Variants in MROH2A observed in about 807,000 individuals in gnomAD.
MROH2A encodes the protein maestro heat like repeat family member 2A, also known as maestro heat-like repeat-containing protein family member 2A.
MROH2A carries 174 observed loss-of-function variants against 200.4 expected under a neutral mutation model. The observed-to-expected ratio is 0.87, with a 90% CI of 0.77 to 0.98. The LOEUF (loss-of-function observed/expected upper bound fraction) is 0.98. MROH2A is among the 50% of genes least tolerant of loss of function. The pLI, the probability that MROH2A is intolerant of heterozygous loss-of-function variation, is 0.00. For missense variants in MROH2A, 2,045 were observed against 2,139.6 expected, an observed-to-expected ratio of 0.96 and a Z score of 0.87; for synonymous variants, 829 against 840.4, an observed-to-expected ratio of 0.99 and a Z score of 0.23.
intron 3 of MROH2A, among the ~76,000 whole-genome samples, chr2:233,783,324 A>C (rs1701036152): frequency 6.6e-6 from 1 of 152,146 alleles, no homozygotes; most frequent in Admixed American, 6.5e-5. Flanking sequence ...GTTTGGTAGA[A>C]TTCAGCAGTG....
At chr2:233,832,993 A>C (rs1192011492) in intron 41 of MROH2A, 145 bp from the exon 42 acceptor site, 3 of 936,226 alleles carry the variant, frequency 3.2e-6, no homozygotes, top group East Asian at 5.3e-5. Context: ...CTCCACCTGC[A>C]GTCCTCTGCT....
chr2:233,789,513 A>G lies in MROH2A; in HGVS notation c.293A>G (p.Lys98Arg). The G allele has an allele frequency of 1.4e-6, 2 of 1,441,124 alleles. No individual in the cohort carries two copies. The highest frequency in any genetic ancestry group is 1.8e-6 in the Non-Finnish European group (2 of 1,093,542). 89.3% of individuals were successfully genotyped at this position (1,441,124 alleles called of 1,614,324 possible). A position where few individuals can be genotyped will look rare whatever the true frequency, so the allele number is the denominator to read the frequency against. ...GTTTCCCAGATTTCCACCCAGCGCA[A>G]GGTCAACATTTACAACATCCTCCAG... ...LQVPEISTQR[K>R]VNIYNILQDI... Residue 98 changes from lysine (K) to arginine (R), a missense_variant, in exon 4 of 42, where the codon AAG (lysine) becomes AGG (arginine). This residue lies in a region of MROH2A where 831 missense variants were observed against 800.0 expected (regional missense o/e 1.04). Transcript: ENST00000389758.
chr2:233,799,799 A>C lies in MROH2A; in HGVS notation c.1349A>C (p.His450Pro). The C allele has an allele frequency of 6.5e-7, 1 of 1,550,324 alleles. No homozygotes were observed. Among genetic ancestry groups the C allele is most frequent in the Non-Finnish European group, 8.7e-7 (1 of 1,146,936 alleles). The change falls in exon 13 of 42, where the codon CAC becomes CCC. Residue 450 changes from histidine to proline, a missense_variant. Physicochemically the swap from His to Pro is moderately conservative, Grantham distance 77. This residue lies in a region of MROH2A where 831 missense variants were observed against 800.0 expected (regional missense o/e 1.04). Coordinates refer to ENST00000389758, the MANE Select transcript of MROH2A (RefSeq NM_001394639.1). Reference sequence around the variant, plus strand: ...CCTCAGGTGAGGATGGCTATTCTCCACATCATTGGGCAGTTGGCTCTCTGT... The same window carrying C: ...CCTCAGGTGAGGATGGCTATTCTCCCCATCATTGGGCAGTTGGCTCTCTGT... ...TRSKVRMAIL[H>P]IIGQLALCGY...
chr2:233,780,318 G>A (rs1226692358), intron 3 of MROH2A, among the ~76,000 whole-genome samples: 1 of 152,150 alleles, frequency 6.6e-6, no homozygotes, highest in African/African-American at 2.4e-5. Flanking sequence ...CTAGACAAGG[G>A]TTTGGAACAG....
At position 233,820,294 on chromosome 2, in the gene MROH2A, C is replaced by A. The variant is rs1703851260; in HGVS notation, c.3512+238C>A. Among the ~76,000 whole-genome samples the A allele has an allele frequency of 1.3e-5, 2 of 152,072 alleles. No individual in the cohort carries two copies. Among genetic ancestry groups the A allele is most frequent in the South Asian group, 2.1e-4 (1 of 4,816 alleles). On this transcript the variant is annotated intron_variant, in intron 31 of 41. Transcript: ENST00000389758. This position sits in a 1 kb window ranked among gnomAD's most constrained non-coding sequence, Gnocchi z 4.1. ...AGCTGGAATCTGGACCCGTAGCTCC[C>A]CACATGCCCGGGACAGTGTCTGTGG...
chr2:233,782,053 G>A (rs1201189747), intron 3 of MROH2A, among the ~76,000 whole-genome samples: 1 of 152,072 alleles, frequency 6.6e-6, no homozygotes, highest in African/African-American at 2.4e-5. Flanking sequence ...ATTGACATCT[G>A]GGCTCTCTAT....
Position 233,805,043 on chromosome 2 carries a change from T to C in MROH2A, c.1984T>C (p.Trp662Arg), listed in dbSNP as rs1171356390. ...CCTCAAGAAGACCCGGGGGTCTAGC[T>C]GGAGCCTGCGCTTGAGTAAAGAGCT... ...NSLKKTRGSS[W>R]SLRLSKELNN... Residue 662 changes from tryptophan to arginine, a missense_variant, in exon 19 of 42, where the codon TGG (tryptophan) becomes CGG (arginine). This residue lies in a region of MROH2A where 1,201 missense variants were observed against 1,311.3 expected (regional missense o/e 0.92). Transcript: ENST00000389758. The C allele has an allele frequency of 2.6e-6, 4 of 1,550,332 alleles. No homozygotes were observed. In the Admixed American group the frequency reaches 7.8e-5, roughly 30 times the overall value.
chr2:233,799,874 A>C lies in MROH2A; in HGVS notation c.1424A>C (p.Gln475Pro). The C allele has an allele frequency of 6.4e-7, 1 of 1,550,566 alleles. No individual in the cohort carries two copies. Among genetic ancestry groups the C allele is most frequent in the South Asian group, 1.2e-5 (1 of 84,058 alleles). ...TGGGGCCTGAAGTACCTGTCTGTGC[A>C]GCTGACCTTATCCACCTACAAACTG... is the stretch of plus-strand genomic sequence containing the variant. ...KGWGLKYLSV[Q>P]LTLSTYKLTN... Residue 475 changes from glutamine to proline, a missense_variant, in exon 13 of 42, where the codon CAG becomes CCG. Transcript: ENST00000389758.
At chr2:233,816,058 C>T (rs189692848) in intron 26 of MROH2A, among the ~76,000 whole-genome samples, 3,106 of 152,146 alleles carry the variant, frequency 0.02, 73 homozygotes, top group Admixed American at 0.062. Flanking sequence ...ACTTAAATTC[C>T]GTATTTTAAA....
At position 233,814,742 on chromosome 2, in the gene MROH2A, G is replaced by T. The variant is rs1575985443; in HGVS notation, c.2856+65G>T. ...CTCCTCCCCAGAAGCTGGACTGAGGGCCAGACTCTGGGGAACAGGGGAGTG... is the reference window on the plus strand; with the variant it reads ...CTCCTCCCCAGAAGCTGGACTGAGGTCCAGACTCTGGGGAACAGGGGAGTG... On this transcript the variant is annotated intron_variant, in intron 26 of 41. Transcript: ENST00000389758. The T allele has an allele frequency of 5.3e-6, 6 of 1,125,818 alleles. No homozygotes were observed. The East Asian group carries it at 1.3e-4, about 25-fold the overall frequency. The allele number at this position is 1,125,818 out of a possible 1,614,324, so 69.7% of individuals were successfully genotyped here. A position where few individuals can be genotyped will look rare whatever the true frequency, so the allele number is the denominator to read the frequency against.
At chr2:233,809,349 C>A (rs1310600447) in intron 22 of MROH2A, 71 bp downstream of exon 22, 2 of 1,486,864 alleles carry the variant, frequency 1.3e-6, no homozygotes, top group African/African-American at 2.8e-5. Context: ...CTGGCACTCT[C>A]TGGGCTCCTG....
In MROH2A at chr2:233,796,217, G is replaced by A. The variant is rs769215802; in HGVS notation, c.1156G>A (p.Glu386Lys). The change falls in exon 11 of 42, where the codon GAG becomes AAG. Residue 386 changes from glutamate to lysine, a missense_variant. Physicochemically the swap from Glu to Lys is moderately conservative, Grantham distance 56 (BLOSUM62 1). Around this residue, in one of 3 missense-constraint regions of MROH2A, gnomAD observed 831 missense variants for 800.0 expected, o/e 1.04. Coordinates refer to ENST00000389758, the MANE Select transcript of MROH2A (RefSeq NM_001394639.1). ...CCCTGCAGCTCGCTCCTACCCCAAG[G>A]AGCTGATGAAGTTCTTCTTCAGCCA... ...FVALARSYPK[E>K]LMKFFFSQME... 3 of 1,550,288 alleles carry A rather than the reference G, an allele frequency of 1.9e-6. No individual in the cohort carries two copies. Among genetic ancestry groups the A allele is most frequent in the East Asian group, 2.4e-5 (1 of 40,888 alleles).
chr2:233,805,282 A>AT lies in MROH2A; in HGVS notation c.2052+178dup, dbSNP rs994678781. Among the ~76,000 whole-genome samples, 126 of 151,706 alleles carry AT rather than the reference A, an allele frequency of 8.3e-4. 2 individuals are homozygous for AT. Among genetic ancestry groups the AT allele is most frequent in the African/African-American group, 3.0e-3 (122 of 41,188 alleles). ...GGTGGTTTTAGTTTTGTTTTGGTTT[A>AT]TTTTTTTGCTTTGTTTTGTTGATCC... On this transcript the variant is annotated intron_variant, in intron 19 of 41. Transcript: ENST00000389758.
In MROH2A at chr2:233,810,908, A is replaced by G. The variant is rs994927372; in HGVS notation, c.2563A>G (p.Ile855Val). 2 of 1,549,902 alleles carry G rather than the reference A, an allele frequency of 1.3e-6. No individual in the cohort carries two copies. The highest frequency in any genetic ancestry group is 2.7e-5 in the African/African-American group (2 of 73,016). The change falls in exon 23 of 42, where the codon ATT (isoleucine) becomes GTT (valine). Residue 855 changes from isoleucine to valine, a missense_variant. By Grantham distance (29) the Ile-to-Val change is conservative. Transcript: ENST00000389758. ...TGCCCAGAAGACGACTCTTACCAGC[A>G]TTATAGTGGTAAGCTGGGTGGGGCA... ...HFAQKTTLTS[I>V]IVAVIKAEPT... is the part of the protein sequence containing the mutation.
intron 24 of MROH2A, among the ~76,000 whole-genome samples, chr2:233,812,888 C>T (rs1342343429): frequency 6.6e-6 from 1 of 152,200 alleles, no homozygotes; most frequent in Non-Finnish European, 1.5e-5. Context: ...GGACTTGGCG[C>T]TTCCTAGGAG....
intron 4 of MROH2A, 35 bp from the exon 5 acceptor site, chr2:233,789,817 G>A (rs1341846645): frequency 4.6e-6 from 7 of 1,530,360 alleles, no homozygotes; most frequent in Non-Finnish European, 5.3e-6. Flanking sequence ...CCCGGCTGGT[G>A]GTGGTGCCAT....
At chr2:233,832,692 A>C (rs542977422) in intron 41 of MROH2A, 48 bp downstream of exon 41, 214 of 1,307,512 alleles carry the variant, frequency 1.6e-4, no homozygotes, top group Non-Finnish European at 2.0e-4. Context: ...TCACCAACTC[A>C]CTAGGGGAGC....
chr2:233,789,354 A>T, intron 3 of MROH2A, 143 bp from the exon 4 acceptor site: 1 of 863,922 alleles, frequency 1.2e-6, no homozygotes, highest in Non-Finnish European at 1.6e-6. Flanking sequence ...AGGAGGATTT[A>T]GAAATGGAGG....
At chr2:233,815,649 G>A (rs554514238) in intron 26 of MROH2A, among the ~76,000 whole-genome samples, 61 of 152,232 alleles carry the variant, frequency 4.0e-4, no homozygotes, top group African/African-American at 1.4e-3. Context: ...TGAAAAGACT[G>A]CCCTTTTTCT....
Sources: gnomAD v4.1 joint callset for allele counts (sites outside exome capture counted in the v4.1 genomes callset) on GRCh38, gnomAD v4.1.1 for gene constraint, gnomAD v4.1.1 regional missense constraint, Gnocchi (gnomAD v3.1) non-coding constraint, MANE v1.5 for transcripts, NCBI Gene and HGNC (gene_info 2026-07-23, HGNC 2026-07-21) for gene names.